The following TTBK2 variants were observed in gnomAD, a reference collection of about 807,000 sequenced individuals.
TTBK2 encodes the protein tau-tubulin kinase 2.
A neutral mutation model predicts 110.8 loss-of-function variants in TTBK2; 28 were observed. That is an observed-to-expected ratio of 0.25 (90% confidence interval 0.19 to 0.35). The LOEUF is 0.35. Among genes scored for constraint, TTBK2 ranks in the 10% least tolerant of loss-of-function variants. TTBK2 has a pLI of 1.00. For synonymous variants in TTBK2, 532 were observed against 527.3 expected, an observed-to-expected ratio of 1.01 and a Z score of -0.12; for missense variants, 1,369 against 1,500.3, an observed-to-expected ratio of 0.91 and a Z score of 1.45.
intron 1 of TTBK2, among the ~76,000 whole-genome samples, chr15:42,884,394 T>C (rs1207304601): frequency 6.6e-6 from 1 of 152,236 alleles, no homozygotes; most frequent in African/African-American, 2.4e-5. Flanking sequence ...ATTTCTGAAG[T>C]GACTGGGGTG....
intron 3 of TTBK2, among the ~76,000 whole-genome samples, chr15:42,841,108 C>T (rs1364340255): frequency 6.6e-6 from 1 of 152,194 alleles, no homozygotes; most frequent in East Asian, 1.9e-4. Flanking sequence ...ACACCACTGA[C>T]CCGAAGGCAG....
rs541644628 is a variant in TTBK2 at position 42,912,719 on chromosome 15, CA to C, written c.-68+7718del. 6.9e-4 allele frequency among the ~76,000 whole-genome samples: 100 copies of C among 144,102 alleles called. No individual in the cohort carries two copies. The South Asian group carries it at 9.3e-3, about 13-fold the overall frequency. 94.5% of individuals were successfully genotyped at this position (144,102 alleles called of 152,430 possible). ...GGGTGACAAGAGCAAAACTCCATCT[CA>C]AAAAAAAAAGTATCTAAATTGTTAC... On this transcript the variant is annotated intron_variant, in intron 1 of 14. Transcript: ENST00000267890.
rs562447457 is a variant in TTBK2 at position 42,768,989 on chromosome 15, C to T, written c.1998+6146G>A. Among the ~76,000 whole-genome samples, 85 of 152,072 alleles carry T rather than the reference C, an allele frequency of 5.6e-4. 1 individual carries two copies. The highest frequency in any genetic ancestry group is 2.8e-3 in the Admixed American group (42 of 15,264). On this transcript the variant is annotated intron_variant, in intron 13 of 14. Coordinates refer to ENST00000267890, the MANE Select transcript of TTBK2 (RefSeq NM_173500.4). ...ACAACCATCTGATCTTTGACAAACC[C>T]GACAAAAACAAGAAATGGGGAAAGG...
chr15:42,878,770 T>TAGTA, intron 1 of TTBK2, 86 bp from the exon 2 acceptor site: 1 of 1,486,286 alleles, frequency 6.7e-7, no homozygotes, highest in South Asian at 1.2e-5. Flanking sequence ...GAAGCACTAC[T>TAGTA]AATACTATAC....
intron 13 of TTBK2, 50 bp from the exon 14 acceptor site, chr15:42,753,297 A>G: frequency 1.3e-6 from 2 of 1,544,292 alleles, no homozygotes; most frequent in Non-Finnish European, 1.8e-6. Flanking sequence ...AAATATCAAC[A>G]AAGATGCATG....
intron 4 of TTBK2, among the ~76,000 whole-genome samples, chr15:42,838,616 C>G (rs555492013): frequency 2.6e-5 from 4 of 151,842 alleles, no homozygotes; most frequent in Non-Finnish European, 2.9e-5. Context: ...AGGAGTTCAA[C>G]GCCAGCCTGG....
intron 9 of TTBK2, among the ~76,000 whole-genome samples, chr15:42,798,589 T>C (rs1478095349): frequency 6.6e-6 from 1 of 152,224 alleles, no homozygotes; most frequent in Non-Finnish European, 1.5e-5. Context: ...CAATATTTCA[T>C]AATACAATGA....
chr15:42,813,022 G>A (rs137894071), intron 7 of TTBK2, among the ~76,000 whole-genome samples: 1 of 152,002 alleles, frequency 6.6e-6, no homozygotes, highest in African/African-American at 2.4e-5. Context: ...AAAGTCTAAT[G>A]TATCAATTTG....
chr15:42,800,953 G>T, intron 9 of TTBK2: 1 of 740,606 alleles, frequency 1.4e-6, no homozygotes, highest in Non-Finnish European at 2.5e-6. Context: ...GGGACAGGCT[G>T]GGAGGGGCTT....
intron 1 of TTBK2, among the ~76,000 whole-genome samples, chr15:42,897,323 A>T (rs1161570674): frequency 2.0e-5 from 3 of 152,044 alleles, no homozygotes; most frequent in Admixed American, 6.6e-5. Flanking sequence ...ATCTATAATC[A>T]TTTTTTTTAC....
chr15:42,808,728 T>C (rs902230372), intron 9 of TTBK2, among the ~76,000 whole-genome samples: 1 of 151,298 alleles, frequency 6.6e-6, no homozygotes, highest in African/African-American at 2.4e-5. Context: ...TGCACACTTG[T>C]AGATCAAGCT....
chr15:42,897,857 CA>C (rs1895728459), intron 1 of TTBK2, among the ~76,000 whole-genome samples: 1 of 151,572 alleles, frequency 6.6e-6, no homozygotes, highest in Non-Finnish European at 1.5e-5. Flanking sequence ...CACACACACA[CA>C]CACACACGGA....
chr15:42,903,877 C>T (rs1288308614), intron 1 of TTBK2, among the ~76,000 whole-genome samples: 1 of 152,188 alleles, frequency 6.6e-6, no homozygotes, highest in African/African-American at 2.4e-5. Flanking sequence ...CACTTACTTG[C>T]TCTGATTAAG....
intron 9 of TTBK2, among the ~76,000 whole-genome samples, chr15:42,804,607 C>T (rs1161960814): frequency 6.6e-6 from 1 of 152,122 alleles, no homozygotes; most frequent in Non-Finnish European, 1.5e-5. Flanking sequence ...AGAAGAGTTA[C>T]AGCCAGTCAG....
intron 9 of TTBK2, chr15:42,802,363 G>A: frequency 1.3e-6 from 1 of 766,590 alleles, no homozygotes; most frequent in Non-Finnish European, 2.4e-6. Context: ...CTGGGGGCCA[G>A]AGGTGGACAC....
rs1247094582 is a variant in TTBK2, at chr15:42,741,110, A to G, written c.*4685T>C. On this transcript the variant is annotated 3_prime_UTR_variant, in exon 15 of 15. Transcript: ENST00000267890. ...TCTAAAGGTTCCTGAGACTTTGTTA[A>G]ATTTCTCATAATTCCAGAGGGAAGG... The G allele has an allele frequency of 6.6e-6, 1 of 152,196 alleles. No homozygotes were observed. Among genetic ancestry groups the G allele is most frequent in the Non-Finnish European group, 1.5e-5 (1 of 68,042 alleles). The allele number at this position is 152,196 out of a possible 1,614,324, so 9.4% of individuals were successfully genotyped here.
chr15:42,877,088 C>T (rs182994147), intron 2 of TTBK2, among the ~76,000 whole-genome samples: 77 of 152,112 alleles, frequency 5.1e-4, no homozygotes, highest in Non-Finnish European at 2.5e-4. Flanking sequence ...TCAAATTGTA[C>T]CTCAAGATAA....
chr15:42,869,294 G>T (rs768267067), intron 3 of TTBK2, among the ~76,000 whole-genome samples: 1 of 151,410 alleles, frequency 6.6e-6, no homozygotes, highest in Non-Finnish European at 1.5e-5. Context: ...TTACCATGTC[G>T]CCCAGACTGG....
chr15:42,907,276 T>C (rs1297308017), intron 1 of TTBK2, among the ~76,000 whole-genome samples: 1 of 152,112 alleles, frequency 6.6e-6, no homozygotes. Context: ...TAGAGGTTCC[T>C]CAAAAAAACT....
Sources: allele counts gnomAD v4.1 joint callset (sites outside exome capture counted in the v4.1 genomes callset), GRCh38; gene constraint gnomAD v4.1.1; transcripts MANE v1.5; gene names NCBI Gene and HGNC (gene_info 2026-07-23, HGNC 2026-07-21).